The following NPSR1 variants were observed in gnomAD, a reference collection of about 807,000 sequenced individuals.
The protein encoded by NPSR1 is neuropeptide S receptor 1.
NPSR1 carries 48 observed loss-of-function variants against 46.9 expected under a neutral mutation model. The observed-to-expected ratio is 1.02, with a 90% CI of 0.81 to 1.30. NPSR1 has a LOEUF of 1.30. Ranked by LOEUF, NPSR1 falls within the 50% of genes most tolerant of loss-of-function variation. The probability of loss-of-function intolerance (pLI) is 0.00; values close to 1 mark genes in which losing one functional copy is unlikely to be tolerated. For missense variants in NPSR1, 450 were observed against 449.5 expected, an observed-to-expected ratio of 1.00 and a Z score of -0.01; for synonymous variants, 176 against 168.1, an observed-to-expected ratio of 1.05 and a Z score of -0.36.
intron 2 of NPSR1, among the ~76,000 whole-genome samples, chr7:34,689,473 T>C (rs962224245): frequency 2.0e-5 from 3 of 150,696 alleles, no homozygotes; most frequent in African/African-American, 7.3e-5. Flanking sequence ...GGTGTGGTGG[T>C]GGACGCCTGT....
rs373901072 is a variant in NPSR1 at position 34,848,657 on chromosome 7, C to G, written c.1019C>G (p.Pro340Arg). 1.9e-6 allele frequency: 3 copies of G among 1,613,700 alleles called. No individual in the cohort carries two copies. The highest frequency in any genetic ancestry group is 2.5e-6 in the Non-Finnish European group (3 of 1,179,938). The change falls in exon 8 of 9, where the codon CCC becomes CGC. Residue 340 changes from proline to arginine, a missense_variant. By Grantham distance (103) the Pro-to-Arg change is moderately radical (BLOSUM62 -2). Coordinates refer to ENST00000360581, the MANE Select transcript of NPSR1 (RefSeq NM_207172.2). ...GTCTTCAGCAGCTCCATCTCTTTCC[C>G]CTGCAGGTAAGGGGAGCTCTTGCAT... Reference protein sequence around the residue: ...YCVFSSSISFPCREQRSQDSR... With the variant: ...YCVFSSSISFRCREQRSQDSR...
At chr7:34,788,464 A>G (rs1787568830) in intron 3 of NPSR1, among the ~76,000 whole-genome samples, 1 of 152,122 alleles carries the variant, frequency 6.6e-6, no homozygotes, top group Admixed American at 6.6e-5. Flanking sequence ...GTAAAAATGG[A>G]AAAAAGATAT....
intron 2 of NPSR1, among the ~76,000 whole-genome samples, chr7:34,772,603 A>G (rs1786737786): frequency 6.6e-6 from 1 of 152,154 alleles, no homozygotes; most frequent in South Asian, 2.1e-4. Context: ...TCTTTGTACA[A>G]CCAGGATGTA....
intron 2 of NPSR1, among the ~76,000 whole-genome samples, chr7:34,755,457 A>G (rs972437343): frequency 6.6e-6 from 1 of 152,208 alleles, no homozygotes; most frequent in African/African-American, 2.4e-5. Context: ...CATTAGATTC[A>G]GGAGATTCAT....
intron 2 of NPSR1, among the ~76,000 whole-genome samples, chr7:34,699,961 T>C (rs1158684774): frequency 6.6e-6 from 1 of 152,168 alleles, no homozygotes; most frequent in Admixed American, 6.5e-5. Context: ...GCTAGCTTTG[T>C]TCAGGCCACC....
At chr7:34,867,381 T>TG (rs762203923) in intron 8 of NPSR1, among the ~76,000 whole-genome samples, 1 of 151,892 alleles carries the variant, frequency 6.6e-6, no homozygotes, top group Non-Finnish European at 1.5e-5. Context: ...TCTCACTTGC[T>TG]GCCTCTCATT....
At chr7:34,840,778 C>A (rs868604998) in intron 6 of NPSR1, among the ~76,000 whole-genome samples, 1 of 152,248 alleles carries the variant, frequency 6.6e-6, no homozygotes, top group East Asian at 1.9e-4. Flanking sequence ...GCAGCTGCAG[C>A]GAGCCTAGAA....
intron 2 of NPSR1, among the ~76,000 whole-genome samples, chr7:34,763,108 C>T (rs928366252): frequency 6.6e-6 from 1 of 152,098 alleles, no homozygotes; most frequent in Non-Finnish European, 1.5e-5. Context: ...GAGTATCTTG[C>T]CAGGCACTAT....
chr7:34,720,823 A>G lies in NPSR1; in HGVS notation c.280+36139A>G, dbSNP rs554961272. Among the ~76,000 whole-genome samples the G allele has an allele frequency of 2.0e-5, 3 of 152,290 alleles. No homozygotes were observed. In the South Asian group the frequency reaches 6.2e-4, roughly 32 times the overall value. ...CAGAAAGCAGGGGCAAGAGTAATTT[A>G]TTCACATATCTGCTTCTAATCATCA... On this transcript the variant is annotated intron_variant, in intron 2 of 8. Transcript: ENST00000360581.
At chr7:34,673,648 G>A (rs1338489439) in intron 1 of NPSR1, among the ~76,000 whole-genome samples, 1 of 152,088 alleles carries the variant, frequency 6.6e-6, no homozygotes, top group Admixed American at 6.5e-5. Context: ...TGTCTTGCCA[G>A]TCTCCAGACA....
chr7:34,773,883 A>G (rs557791079), intron 2 of NPSR1, among the ~76,000 whole-genome samples: 5 of 152,282 alleles, frequency 3.3e-5, no homozygotes, highest in African/African-American at 1.2e-4. Context: ...ATGCTTTCCA[A>G]TTAGTGTTAA....
intron 2 of NPSR1, among the ~76,000 whole-genome samples, chr7:34,739,423 A>T (rs1784831580): frequency 6.6e-6 from 1 of 152,196 alleles, no homozygotes; most frequent in Admixed American, 6.5e-5. Flanking sequence ...TTTTTAAATT[A>T]TAATCATCCT....
intron 4 of NPSR1, among the ~76,000 whole-genome samples, chr7:34,818,624 A>G (rs148670010): frequency 0.069 from 10,454 of 152,218 alleles, 1,045 homozygotes; most frequent in African/African-American, 0.22. Context: ...AATCCTAAGC[A>G]AAAAGAACAA....
chr7:34,772,660 C>T (rs1364630149), intron 2 of NPSR1, among the ~76,000 whole-genome samples: 2 of 152,180 alleles, frequency 1.3e-5, no homozygotes, highest in Non-Finnish European at 2.9e-5. Flanking sequence ...CCCATTCACC[C>T]TTCCACAACA....
intron 3 of NPSR1, among the ~76,000 whole-genome samples, chr7:34,790,901 A>G (rs868772986): frequency 3.4e-4 from 45 of 132,882 alleles, no homozygotes; most frequent in Admixed American, 7.4e-4. Context: ...TATATGTTAT[A>G]TGTTATATTA....
Position 34,865,830 on chromosome 7 carries a change from C to T in NPSR1, c.1026-12246C>T, listed in dbSNP as rs148981943. 3.3e-4 allele frequency among the ~76,000 whole-genome samples: 50 copies of T among 151,778 alleles called. No individual in the cohort carries two copies. The East Asian group carries it at 8.7e-3, about 26-fold the overall frequency. ...CCCCACCTGCTCCAGATTCCAGAGT[C>T]CATGAAGGGTCATTCTCAGCAGACA... On this transcript the variant is annotated intron_variant, in intron 8 of 8. Transcript: ENST00000359791.
At chr7:34,852,779 C>T (rs1219838851), downstream of NPSR1, among the ~76,000 whole-genome samples, 1 of 152,112 alleles carries the variant, frequency 6.6e-6, no homozygotes, top group Non-Finnish European at 1.5e-5. Flanking sequence ...AATAAAGGTG[C>T]TTACTTCCTG....
In NPSR1 at chr7:34,805,054, G is replaced by C. The variant is rs117394421; in HGVS notation, c.385-6716G>C. ...AAGCAAATATCTAAATAAATGAAGA[G>C]ATGTTCCATGTTCATGAATAGGAAG... On this transcript the variant is annotated intron_variant, in intron 3 of 8. Transcript: ENST00000360581. Among the ~76,000 whole-genome samples the C allele has an allele frequency of 2.2e-4, 34 of 151,986 alleles. 1 individual carries two copies. In the East Asian group the frequency reaches 6.2e-3, roughly 28 times the overall value.
rs182362301 is a variant in NPSR1 at position 34,864,917 on chromosome 7, T to C, written c.1026-13159T>C. Among the ~76,000 whole-genome samples the C allele has an allele frequency of 8.3e-4, 126 of 152,006 alleles. 1 individual carries two copies. The highest frequency in any genetic ancestry group is 8.0e-3 in the Admixed American group (122 of 15,296). ...CCCTCTTCCAGGCACAACTACACTA[T>C]ATCTTTCTCAGCCTCCCTTATGGTT... On this transcript the variant is annotated intron_variant, in intron 8 of 8. Transcript: ENST00000359791.
Sources: gnomAD v4.1 joint callset for allele counts (sites outside exome capture counted in the v4.1 genomes callset) on GRCh38, gnomAD v4.1.1 for gene constraint, MANE v1.5 for transcripts, NCBI Gene and HGNC (gene_info 2026-07-23, HGNC 2026-07-21) for gene names.